DCHS2: variants seen among roughly 807,000 people sequenced by gnomAD.
DCHS2 encodes the protein dachsous cadherin-related 2.
A neutral mutation model predicts 182.4 loss-of-function variants in DCHS2; 142 were observed. The observed-to-expected ratio is 0.78, with a 90% CI of 0.68 to 0.89. DCHS2 has a LOEUF of 0.89. Among genes scored for constraint, DCHS2 ranks in the 40% least tolerant of loss-of-function variants. DCHS2 has a pLI of 0.00. For missense variants in DCHS2, 4,319 were observed against 4,198.6 expected, an observed-to-expected ratio of 1.03 and a Z score of -0.79; for synonymous variants, 1,740 against 1,663.3, an observed-to-expected ratio of 1.05 and a Z score of -1.12.
chr4:154,360,619 C>T (rs1051960815), intron 3 of DCHS2, among the ~76,000 whole-genome samples: 1 of 152,002 alleles, frequency 6.6e-6, no homozygotes, highest in African/African-American at 2.4e-5. Context: ...AGGAAGGTGG[C>T]GTTTGTGAAG....
intron 13 of DCHS2, among the ~76,000 whole-genome samples, chr4:154,281,223 CA>C (rs1220115545): frequency 6.6e-6 from 1 of 151,962 alleles, no homozygotes; most frequent in Non-Finnish European, 1.5e-5. Context: ...AAAATGCATG[CA>C]AACTAAAAAG....
At chr4:154,286,653 T>G (rs1017248864) in intron 13 of DCHS2, among the ~76,000 whole-genome samples, 1 of 150,754 alleles carries the variant, frequency 6.6e-6, no homozygotes, top group African/African-American at 2.4e-5. Context: ...TATTTGAAAA[T>G]AAACAGAGGA....
chr4:154,480,096 G>A (rs1735863053), intron 1 of DCHS2, among the ~76,000 whole-genome samples: 1 of 152,112 alleles, frequency 6.6e-6, no homozygotes, highest in South Asian at 2.1e-4. Context: ...CTTGGTTCTT[G>A]TATAATAGAT....
At chr4:154,339,584 G>C (rs1027765287) in intron 3 of DCHS2, among the ~76,000 whole-genome samples, 2 of 151,904 alleles carry the variant, frequency 1.3e-5, no homozygotes, top group African/African-American at 4.8e-5. Context: ...TGAGTAGCTA[G>C]GACTACAGGC....
intron 1 of DCHS2, among the ~76,000 whole-genome samples, chr4:154,442,527 A>ACCC (rs781744254): frequency 2.0e-5 from 1 of 50,464 alleles, no homozygotes; most frequent in Non-Finnish European, 3.7e-5. Context: ...TGAAAAGTGG[A>ACCC]CACCCCCCCC....
intron 5 of DCHS2, 81 bp from the exon 6 acceptor site, chr4:154,329,791 C>G (rs1289841841): frequency 1.5e-6 from 2 of 1,315,814 alleles, no homozygotes; most frequent in Non-Finnish European, 2.1e-6. Flanking sequence ...GAAGGAAAAC[C>G]AAGTACAAAG....
chr4:154,474,975 T>C (rs1735627267), intron 1 of DCHS2, among the ~76,000 whole-genome samples: 1 of 152,180 alleles, frequency 6.6e-6, no homozygotes, highest in Non-Finnish European at 1.5e-5. Context: ...TAGCTTTTCC[T>C]AAGTTATGAA....
At chr4:154,322,287 G>A in intron 8 of DCHS2, 44 bp downstream of exon 8, 1 of 1,608,938 alleles carries the variant, frequency 6.2e-7, no homozygotes. Flanking sequence ...AAAGTCAAAT[G>A]AAATCTTTAG....
intron 1 of DCHS2, among the ~76,000 whole-genome samples, chr4:154,378,145 AG>A (rs1284693833): frequency 6.6e-6 from 1 of 152,270 alleles, no homozygotes; most frequent in East Asian, 1.9e-4. Context: ...CCAGAGGAAA[AG>A]GCACCGTCTT....
At chr4:154,371,546 G>A (rs1730646436) in intron 2 of DCHS2, among the ~76,000 whole-genome samples, 1 of 152,158 alleles carries the variant, frequency 6.6e-6, no homozygotes, top group African/African-American at 2.4e-5. Flanking sequence ...GGCAGAGAAG[G>A]CAGGTAGGTG....
rs111443179 is a variant in DCHS2 at position 154,374,288 on chromosome 4, G to A, written c.2244+2965C>T. 1.3e-3 allele frequency: 317 copies of A among 242,608 alleles called. 5 individuals are homozygous for A. Among genetic ancestry groups the A allele is most frequent in the African/African-American group, 6.4e-3 (287 of 44,782 alleles). The allele number at this position is 242,608 out of a possible 1,614,324, so 15.0% of individuals were successfully genotyped here. ...TCAACAGGGGCTTGTTTAGATCACA[G>A]TGGACAGCAGACAGTAGCCTGGAAG... On this transcript the variant is annotated intron_variant, in intron 2 of 19. Coordinates refer to ENST00000357232, the MANE Select transcript of DCHS2 (RefSeq NM_001358235.2).
intron 1 of DCHS2, among the ~76,000 whole-genome samples, chr4:154,484,980 A>G (rs557032054): frequency 6.6e-6 from 1 of 152,368 alleles, no homozygotes; most frequent in East Asian, 1.9e-4. Flanking sequence ...ATAAAAATGT[A>G]CATAACAGAG....
intron 3 of DCHS2, among the ~76,000 whole-genome samples, chr4:154,349,650 C>A (rs1008583625): frequency 6.6e-6 from 1 of 152,100 alleles, no homozygotes; most frequent in African/African-American, 2.4e-5. Flanking sequence ...TCTATTATTA[C>A]TATCCTTTCA....
chr4:154,383,037 G>C (rs905953981), intron 1 of DCHS2, among the ~76,000 whole-genome samples: 3 of 152,168 alleles, frequency 2.0e-5, no homozygotes, highest in African/African-American at 7.2e-5. Flanking sequence ...ACATGCACTT[G>C]CATATTCATC....
chr4:154,386,530 T>C (rs1731428438), intron 1 of DCHS2, among the ~76,000 whole-genome samples: 1 of 152,156 alleles, frequency 6.6e-6, no homozygotes, highest in African/African-American at 2.4e-5. Context: ...AGAGAACTTA[T>C]CTCCAAGTTA....
At chr4:154,448,459 G>A (rs1378643024) in intron 1 of DCHS2, among the ~76,000 whole-genome samples, 9 of 151,798 alleles carry the variant, frequency 5.9e-5, no homozygotes, top group South Asian at 2.1e-4. Flanking sequence ...CCACTTACCC[G>A]CTTATCCTTG....
Position 154,234,546 on chromosome 4 carries a change from A to C in DCHS2, c.10106T>G (p.Val3369Gly). The C allele has an allele frequency of 6.2e-7, 1 of 1,607,388 alleles. No individual in the cohort carries two copies. Among genetic ancestry groups the C allele is most frequent in the Non-Finnish European group, 8.5e-7 (1 of 1,175,842 alleles). ...GGCATCCCAGTGGTTTCATATTTGA[A>C]CTTCATCTTCTGCTTTAAGTTCATG... ...TCHELKAEDEVQI is the reference protein window; with the variant it reads ...TCHELKAEDEGQI Residue 3369 changes from valine to glycine, a missense_variant, in exon 20 of 20, where the codon GTT becomes GGT. Transcript: ENST00000357232.
At chr4:154,245,135 G>C (rs918191233) in intron 16 of DCHS2, among the ~76,000 whole-genome samples, 2 of 152,120 alleles carry the variant, frequency 1.3e-5, no homozygotes, top group Non-Finnish European at 2.9e-5. Context: ...TCAATGACTT[G>C]AAGAACAAAT....
intron 1 of DCHS2, among the ~76,000 whole-genome samples, chr4:154,434,919 C>T (rs1281518467): frequency 6.6e-6 from 1 of 152,106 alleles, no homozygotes; most frequent in African/African-American, 2.4e-5. Flanking sequence ...CAAGGAAAGT[C>T]TGGGAAACTG....
Sources: gnomAD v4.1 joint callset for allele counts (sites outside exome capture counted in the v4.1 genomes callset) on GRCh38, gnomAD v4.1.1 for gene constraint, MANE v1.5 for transcripts, NCBI Gene and HGNC (gene_info 2026-07-23, HGNC 2026-07-21) for gene names.